The following SPAG17 variants were observed in gnomAD, a reference collection of about 807,000 sequenced individuals.
SPAG17 encodes the protein sperm associated antigen 17, also known as sperm-associated antigen 17.
In SPAG17, 169 loss-of-function variants were observed where a neutral mutation model predicts 273.6. The ratio of observed to expected loss-of-function variants is 0.62; its 90% CI spans 0.55 to 0.70. SPAG17 has a LOEUF of 0.70. Among genes scored for constraint, SPAG17 ranks in the 30% least tolerant of loss-of-function variants. SPAG17 has a pLI of 0.00. For missense variants in SPAG17, 2,557 were observed against 2,627.8 expected (o/e 0.97, Z 0.59); for synonymous variants, 825 against 873.2 (o/e 0.94, Z 0.97).
At chr1:118,161,623 C>T (rs1382203339) in intron 1 of SPAG17, among the ~76,000 whole-genome samples, 6 of 152,030 alleles carry the variant, frequency 3.9e-5, no homozygotes, top group South Asian at 2.1e-4. Context: ...CTGCAAGCTC[C>T]GCCTCCCGGG....
chr1:117,971,766 G>T, intron 45 of SPAG17, 97 bp downstream of exon 45: 2 of 987,948 alleles, frequency 2.0e-6, no homozygotes, highest in Non-Finnish European at 1.5e-6. Context: ...AGTAATTACA[G>T]TTCGGTTCAA....
rs763867233 is a variant in SPAG17 at position 117,996,616 on chromosome 1, T to C, written c.4904A>G (p.Tyr1635Cys). The change falls in exon 33 of 49, where the codon TAT (tyrosine) becomes TGT (cysteine). Residue 1635 changes from tyrosine to cysteine, a missense_variant. Physicochemically the swap from Tyr to Cys is radical, Grantham distance 194 (BLOSUM62 -2). Coordinates refer to ENST00000336338, the MANE Select transcript of SPAG17 (RefSeq NM_206996.4). Reference sequence around the variant, plus strand: ...CTTTTACCTGGGGACATGTTCACCATAGATTTGCTGATGATTCTTTTCAAG... The same window carrying C: ...CTTTTACCTGGGGACATGTTCACCACAGATTTGCTGATGATTCTTTTCAAG... Reference protein sequence around the residue: ...MHLEKNHQQIYGEHVPRFFVM... With the variant: ...MHLEKNHQQICGEHVPRFFVM... The C allele has an allele frequency of 1.9e-6, 3 of 1,611,694 alleles. No individual in the cohort carries two copies. Among genetic ancestry groups the C allele is most frequent in the South Asian group, 1.1e-5 (1 of 90,478 alleles).
intron 18 of SPAG17, among the ~76,000 whole-genome samples, chr1:118,064,035 G>A (rs1469029449): frequency 2.0e-5 from 3 of 152,124 alleles, no homozygotes; most frequent in East Asian, 3.8e-4. Context: ...ACCACAATGA[G>A]ATACCATCTC....
intron 18 of SPAG17, among the ~76,000 whole-genome samples, chr1:118,064,642 C>A (rs1032376480): frequency 2.0e-5 from 3 of 147,736 alleles, no homozygotes; most frequent in African/African-American, 7.5e-5. Context: ...TGCTAAATGA[C>A]GAGTTAATGG....
chr1:118,004,171 T>C lies in SPAG17; in HGVS notation c.4776+1243A>G, dbSNP rs150586194. Among the ~76,000 whole-genome samples, 620 of 152,280 alleles carry C rather than the reference T, an allele frequency of 4.1e-3. 5 individuals carry two copies. The highest frequency in any genetic ancestry group is 0.014 in the African/African-American group (593 of 41,554). ...CAGAACTGCAAATATTGCTGCCTGA[T>C]CCTTCCTCTGGAAGCTTCGTCCCAG... On this transcript the variant is annotated intron_variant, in intron 32 of 48. Transcript: ENST00000336338.
chr1:118,038,131 C>T (rs1166678666), intron 23 of SPAG17, among the ~76,000 whole-genome samples: 2 of 152,112 alleles, frequency 1.3e-5, no homozygotes, highest in Non-Finnish European at 2.9e-5. Context: ...GAAACTTCAA[C>T]AGACACTTCA....
In SPAG17 at chr1:118,096,394, G is replaced by C. The variant is rs79113233; in HGVS notation, c.1011+1276C>G. ...GTCAGCTACCCACAGTCACTGTGCAGACACCCATCCACCCTCCACACTCCA... is the reference window on the plus strand; with the variant it reads ...GTCAGCTACCCACAGTCACTGTGCACACACCCATCCACCCTCCACACTCCA... On this transcript the variant is annotated intron_variant, in intron 7 of 48. Transcript: ENST00000336338. 4.2e-3 allele frequency among the ~76,000 whole-genome samples: 634 copies of C among 150,666 alleles called. 4 individuals carry two copies. Among genetic ancestry groups the C allele is most frequent in the African/African-American group, 0.015 (602 of 41,088 alleles).
chr1:118,138,805 C>T (rs1658502004), intron 3 of SPAG17, among the ~76,000 whole-genome samples: 1 of 152,126 alleles, frequency 6.6e-6, no homozygotes, highest in Admixed American at 6.6e-5. Context: ...AGACAACAAA[C>T]GCTTCTACAA....
intron 32 of SPAG17, among the ~76,000 whole-genome samples, chr1:118,000,167 G>A (rs1190359435): frequency 2.6e-5 from 4 of 152,156 alleles, no homozygotes; most frequent in Non-Finnish European, 5.9e-5. Flanking sequence ...CCTCTGTCCT[G>A]TTCCATTGGT....
intron 23 of SPAG17, 102 bp from the exon 24 acceptor site, chr1:118,036,985 C>T (rs989855411): frequency 1.3e-6 from 1 of 755,854 alleles, no homozygotes; most frequent in African/African-American, 1.8e-5. Context: ...GCTGCTCTAC[C>T]ACAATCAACT....
chr1:118,107,070 T>C (rs559123866), intron 4 of SPAG17, among the ~76,000 whole-genome samples: 44 of 152,346 alleles, frequency 2.9e-4, no homozygotes, highest in Non-Finnish European at 5.0e-4. Flanking sequence ...TCATCTTTAA[T>C]TTGATCTCAC....
chr1:117,966,510 G>T, intron 47 of SPAG17, 99 bp downstream of exon 47: 2 of 1,154,948 alleles, frequency 1.7e-6, no homozygotes, highest in Non-Finnish European at 2.4e-6. Flanking sequence ...TTTGAAGATA[G>T]AATTAATAAA....
intron 25 of SPAG17, among the ~76,000 whole-genome samples, 156 bp from the exon 26 acceptor site, chr1:118,028,550 T>C (rs1220004074): frequency 1.3e-5 from 2 of 152,196 alleles, no homozygotes; most frequent in African/African-American, 4.8e-5. Flanking sequence ...GGTTTTGCAA[T>C]TTATATTCTA....
intron 13 of SPAG17, among the ~76,000 whole-genome samples, chr1:118,083,802 A>C (rs1654786487): frequency 6.6e-6 from 1 of 152,006 alleles, no homozygotes; most frequent in Admixed American, 6.5e-5. Context: ...AAAAACAAAA[A>C]CAGAGACAGC....
At chr1:117,984,449 G>A (rs1656182956) in intron 41 of SPAG17, among the ~76,000 whole-genome samples, 1 of 152,148 alleles carries the variant, frequency 6.6e-6, no homozygotes, top group African/African-American at 2.4e-5. Flanking sequence ...AAGGCAGGAT[G>A]GGGTAGTGAT....
chr1:118,107,239 A>G (rs1656456299), intron 4 of SPAG17, among the ~76,000 whole-genome samples: 1 of 151,878 alleles, frequency 6.6e-6, no homozygotes, highest in Non-Finnish European at 1.5e-5. Context: ...TGCTCTCCTG[A>G]TTTCTCCATA....
intron 48 of SPAG17, chr1:117,955,054 A>G: frequency 2.4e-6 from 1 of 417,626 alleles, no homozygotes; most frequent in African/African-American, 2.0e-5. Flanking sequence ...TGCATGTCTC[A>G]TCACAGTAAT....
At position 118,039,860 on chromosome 1, in the gene SPAG17, C is replaced by T. The variant is rs150012492; in HGVS notation, c.3167-416G>A. ...AGATGTCACCTCTATAAAAGAATGC[C>T]TAAGGAAATAAAGTAATGGTGGAAT... On this transcript the variant is annotated intron_variant, in intron 22 of 48. Transcript: ENST00000336338. Among the ~76,000 whole-genome samples, 14 of 152,068 alleles carry T rather than the reference C, an allele frequency of 9.2e-5. No individual in the cohort carries two copies. In the East Asian group the frequency reaches 1.5e-3, roughly 17 times the overall value.
chr1:118,012,965 G>A (rs1372730754), intron 29 of SPAG17, among the ~76,000 whole-genome samples: 1 of 152,180 alleles, frequency 6.6e-6, no homozygotes, highest in Non-Finnish European at 1.5e-5. Context: ...AGCGGTGTGC[G>A]TGGGTTGCTG....
Sources: gnomAD v4.1 joint callset for allele counts (sites outside exome capture counted in the v4.1 genomes callset) on GRCh38, gnomAD v4.1.1 for gene constraint, MANE v1.5 for transcripts, NCBI Gene and HGNC (gene_info 2026-07-23, HGNC 2026-07-21) for gene names.